Variants in ZFR2 observed in about 807,000 individuals in gnomAD.
ZFR2 encodes zinc finger RNA binding protein 2, also known as zinc finger RNA-binding protein 2.
A neutral mutation model predicts 105.7 loss-of-function variants in ZFR2; 104 were observed. That is an observed-to-expected ratio of 0.98 (90% CI 0.84 to 1.16). ZFR2 has a LOEUF of 1.16. ZFR2 is among the 50% of genes most tolerant of loss of function. The pLI is 0.00. For missense variants in ZFR2, 1,425 were observed against 1,355.5 expected (o/e 1.05, Z -0.80); for synonymous variants, 634 against 597.7 (o/e 1.06, Z -0.89).
chr19:3,817,762 G>GAAA (rs869069657), intron 12 of ZFR2, among the ~76,000 whole-genome samples: 3 of 61,828 alleles, frequency 4.9e-5, no homozygotes, highest in Non-Finnish European at 3.5e-5. Flanking sequence ...TCTCAAAAAA[G>GAAA]AAAAAAAAAA....
At chr19:3,863,842 C>T (rs896380300) in intron 1 of ZFR2, among the ~76,000 whole-genome samples, 1 of 152,180 alleles carries the variant, frequency 6.6e-6, no homozygotes, top group Non-Finnish European at 1.5e-5. Context: ...CACTGGGCCC[C>T]CACGTCAGTC....
chr19:3,840,530 C>T (rs1240989730), intron 1 of ZFR2, among the ~76,000 whole-genome samples: 2 of 150,446 alleles, frequency 1.3e-5, no homozygotes, highest in Non-Finnish European at 3.0e-5. Flanking sequence ...AGCCACTGTG[C>T]CTGGCCTGAT....
rs934626941 is a variant in ZFR2, at chr19:3,821,487, G to A, written c.1492-8C>T. ...GTCCGGGTTCACTTTCTTCTGGAAA[G>A]GACAGGCAAGGCTCTGAGAGTAGGG... is the stretch of plus-strand genomic sequence containing the variant. On this transcript the variant is annotated splice_polypyrimidine_tract_variant and splice_region_variant and intron_variant, in intron 9 of 18. Coordinates refer to ENST00000262961, the MANE Select transcript of ZFR2 (RefSeq NM_015174.2). 4 of 1,592,602 alleles carry A rather than the reference G, an allele frequency of 2.5e-6. No individual in the cohort carries two copies. Among genetic ancestry groups the A allele is most frequent in the African/African-American group, 1.3e-5 (1 of 74,380 alleles).
intron 10 of ZFR2, among the ~76,000 whole-genome samples, chr19:3,820,826 AGGTCGGGGGACACAGGGACACCGGG>A (rs1346954210): frequency 0.23 from 24,469 of 104,770 alleles, 5,091 homozygotes; most frequent in Admixed American, 0.28. Context: ...GGCACACTAG[AGGTCGGGGGACACAGGGACACCGGG>A]GGTCGGGGGA....
chr19:3,811,088 C>A (rs956447500), intron 15 of ZFR2, among the ~76,000 whole-genome samples, 184 bp downstream of exon 15: 1 of 152,242 alleles, frequency 6.6e-6, no homozygotes, highest in African/African-American at 2.4e-5. Flanking sequence ...ACTTCCCGAC[C>A]CCATCAGCCA....
intron 17 of ZFR2, 34 bp downstream of exon 17, chr19:3,808,838 C>T: frequency 6.6e-7 from 1 of 1,509,824 alleles, no homozygotes; most frequent in Non-Finnish European, 8.9e-7. Context: ...CGATTTGCCG[C>T]CCACCTCCTG....
At position 3,835,842 on chromosome 19, in the gene ZFR2, A is replaced by G. The variant is rs2038072747; in HGVS notation, c.54-859T>C. ...ATAGTACACGCCTGCAGTGCCAGCT[A>G]CTCAGGAGGCTGAGGTGGGAGGATG... On this transcript the variant is annotated intron_variant, in intron 1 of 18. Coordinates refer to ENST00000262961, the MANE Select transcript of ZFR2 (RefSeq NM_015174.2). Among the ~76,000 whole-genome samples the G allele has an allele frequency of 2.7e-5, 4 of 146,306 alleles. 1 individual carries two copies. In the South Asian group the frequency reaches 8.3e-4, roughly 30 times the overall value.
chr19:3,812,928 A>G (rs2145136001), intron 14 of ZFR2, among the ~76,000 whole-genome samples: 1 of 152,210 alleles, frequency 6.6e-6, no homozygotes, highest in African/African-American at 2.4e-5. Context: ...AAAATACAAA[A>G]AAATTAACTG....
intron 15 of ZFR2, 53 bp from the exon 16 acceptor site, chr19:3,810,898 C>G: frequency 6.5e-7 from 1 of 1,536,006 alleles, no homozygotes; most frequent in Non-Finnish European, 8.8e-7. Context: ...GGCCACACGG[C>G]ATGGCGCCGG....
chr19:3,812,085 C>T (rs139866448), intron 14 of ZFR2, among the ~76,000 whole-genome samples: 2,074 of 151,958 alleles, frequency 0.014, 44 homozygotes, highest in African/African-American at 0.044. Flanking sequence ...CTGGGATTAC[C>T]GGCGCACGCC....
chr19:3,807,778 G>A (rs576464030), intron 17 of ZFR2, among the ~76,000 whole-genome samples: 20 of 150,596 alleles, frequency 1.3e-4, no homozygotes, highest in East Asian at 7.8e-4. Context: ...GTGCCCATGC[G>A]TATGCATGTG....
rs2037901652 is a variant in ZFR2, at chr19:3,822,099, C to G, written c.1473G>C (p.Arg491=). Residue 491 remains arginine (R), a synonymous_variant, in exon 9 of 19, where the codon CGG becomes CGC. Transcript: ENST00000262961. ...NAKDLHVRGR[R]HRLQYRKKVN... ...GACGCACCCGGTACTGCAGCCGGTG[C>G]CGCCGCCCCCTCACGTGCAGGTCCT... The G allele has an allele frequency of 6.2e-7, 1 of 1,606,374 alleles. No homozygotes were observed.
At chr19:3,839,025 C>T (rs2145169209) in intron 1 of ZFR2, among the ~76,000 whole-genome samples, 1 of 152,272 alleles carries the variant, frequency 6.6e-6, no homozygotes, top group South Asian at 2.1e-4. Context: ...CCTGAAGGAC[C>T]AGAAATCGGC....
chr19:3,840,276 C>T (rs1336424740), intron 1 of ZFR2, among the ~76,000 whole-genome samples: 5 of 151,344 alleles, frequency 3.3e-5, no homozygotes, highest in Admixed American at 6.6e-5. Context: ...CTTGCTCTGT[C>T]GCCCAGGCTG....
At chr19:3,855,051 T>C (rs1237318748) in intron 1 of ZFR2, among the ~76,000 whole-genome samples, 2 of 152,150 alleles carry the variant, frequency 1.3e-5, no homozygotes, top group African/African-American at 4.8e-5. Context: ...TGAGCCACTG[T>C]GCCCAGCTAA....
chr19:3,809,614 T>C (rs1411772795), intron 16 of ZFR2, among the ~76,000 whole-genome samples: 1 of 152,104 alleles, frequency 6.6e-6, no homozygotes, highest in Non-Finnish European at 1.5e-5. Flanking sequence ...TACTGTGACC[T>C]CCTCCCAGGA....
At chr19:3,850,900 CAAAAAAAAA>C (rs59933286) in intron 1 of ZFR2, among the ~76,000 whole-genome samples, 31,710 of 92,858 alleles carry the variant, frequency 0.34, 4,460 homozygotes, top group Admixed American at 0.47. Flanking sequence ...GCAGTCTTTT[CAAAAAAAAA>C]AAAAAAAAAA....
intron 17 of ZFR2, among the ~76,000 whole-genome samples, 165 bp downstream of exon 17, chr19:3,808,707 C>T (rs2145130246): frequency 6.6e-6 from 1 of 152,376 alleles, no homozygotes; most frequent in South Asian, 2.1e-4. Flanking sequence ...GACCGCGGCC[C>T]TGTCTGCCTT....
In ZFR2 at chr19:3,821,434, GGCT is replaced by G; in HGVS notation, c.1534_1536del (p.Ser512del). On this transcript the variant is annotated inframe_deletion, in exon 10 of 19. Coordinates refer to ENST00000262961, the MANE Select transcript of ZFR2 (RefSeq NM_015174.2). The stretch of plus-strand genomic sequence containing the variant: ...CGCTCCTCCAGGACCTTCCGAGCCC[GGCT>G]GCTGGGCTCCGTGGCAATGGGAAGG... The G allele has an allele frequency of 6.2e-7, 1 of 1,609,754 alleles. No individual in the cohort carries two copies. Among genetic ancestry groups the G allele is most frequent in the South Asian group, 1.1e-5 (1 of 90,892 alleles).
Sources: allele counts gnomAD v4.1 joint callset (sites outside exome capture counted in the v4.1 genomes callset), GRCh38; gene constraint gnomAD v4.1.1; transcripts MANE v1.5; gene names NCBI Gene and HGNC (gene_info 2026-07-23, HGNC 2026-07-21).